CNTN4: variants seen among roughly 807,000 people sequenced by gnomAD.
CNTN4 encodes the protein contactin 4, also known as contactin-4.
In CNTN4, 77 loss-of-function variants were observed where a neutral mutation model predicts 122.5. The ratio of observed to expected loss-of-function variants is 0.63; its 90% CI spans 0.52 to 0.76. The LOEUF (loss-of-function observed/expected upper bound fraction) is 0.76, where lower values mean the gene tolerates loss of function less well. CNTN4 is among the 30% of genes least tolerant of loss of function. CNTN4 has a pLI of 0.00. For synonymous variants in CNTN4, 512 were observed against 447.0 expected (o/e 1.15, Z -1.83); for missense variants, 1,256 against 1,259.1 (o/e 1.00, Z 0.04).
At chr3:2,214,151 G>T (rs2149454516) in intron 2 of CNTN4, among the ~76,000 whole-genome samples, 1 of 152,214 alleles carries the variant, frequency 6.6e-6, no homozygotes, top group African/African-American at 2.4e-5. Flanking sequence ...TTTGCTCCTG[G>T]ATCTCCTGAA....
At chr3:2,173,645 T>C (rs1452060777) in intron 2 of CNTN4, among the ~76,000 whole-genome samples, 4 of 152,094 alleles carry the variant, frequency 2.6e-5, no homozygotes, top group African/African-American at 7.2e-5. Flanking sequence ...GTAGAGAAAA[T>C]CTTTCGGATG....
intron 13 of CNTN4, chr3:2,927,369 G>T (rs73805452): frequency 1.1e-5 from 5 of 451,914 alleles, no homozygotes; most frequent in Non-Finnish European, 1.8e-5. Context: ...TGCTCTGGAC[G>T]TTGCCATTGC....
intron 3 of CNTN4, among the ~76,000 whole-genome samples, chr3:2,535,852 C>T (rs1180347831): frequency 1.3e-5 from 2 of 152,130 alleles, no homozygotes; most frequent in Admixed American, 1.3e-4. Context: ...CAGTAGTACA[C>T]TTTCAAAATG....
chr3:2,194,335 C>T (rs1025304491), intron 2 of CNTN4, among the ~76,000 whole-genome samples: 3 of 151,840 alleles, frequency 2.0e-5, no homozygotes, highest in African/African-American at 7.3e-5. Flanking sequence ...GTGGTGTGCT[C>T]CTGTAGTCCC....
At chr3:2,178,955 GAGTAA>G (rs1417100212) in intron 2 of CNTN4, among the ~76,000 whole-genome samples, 3 of 152,004 alleles carry the variant, frequency 2.0e-5, no homozygotes, top group African/African-American at 7.2e-5. Flanking sequence ...GGTTGGAACT[GAGTAA>G]AGTAGATTTA....
intron 6 of CNTN4, among the ~76,000 whole-genome samples, chr3:2,804,737 C>CTTTAGTTTTTTTTTTTTT (rs1553643947): frequency 2.7e-4 from 39 of 144,944 alleles, no homozygotes; most frequent in Non-Finnish European, 3.6e-4. Context: ...ATTTTGAGCA[C>CTTTAGTTTTTTTTTTTTT]TTTTTTTTTG....
intron 2 of CNTN4, among the ~76,000 whole-genome samples, chr3:2,179,116 G>T (rs961562471): frequency 1.3e-5 from 2 of 152,004 alleles, no homozygotes; most frequent in Non-Finnish European, 2.9e-5. Context: ...CAATTAATTT[G>T]CAGTTCACCA....
intron 3 of CNTN4, among the ~76,000 whole-genome samples, chr3:2,378,838 T>C (rs545387310): frequency 1.9e-4 from 29 of 152,296 alleles, no homozygotes; most frequent in African/African-American, 7.0e-4. Flanking sequence ...GTGTTGTCAT[T>C]CTTATTTGTA....
chr3:2,764,689 G>A (rs1201407512), intron 6 of CNTN4, among the ~76,000 whole-genome samples: 1 of 152,228 alleles, frequency 6.6e-6, no homozygotes, highest in Non-Finnish European at 1.5e-5. Flanking sequence ...ATGCAAGACA[G>A]TAGCTTTCTG....
chr3:2,223,526 A>C (rs1035992064), intron 2 of CNTN4, among the ~76,000 whole-genome samples: 4 of 152,198 alleles, frequency 2.6e-5, no homozygotes, highest in African/African-American at 9.6e-5. Context: ...TGCTTCATCT[A>C]TGTGGAATAA....
At chr3:2,735,851 A>G in intron 4 of CNTN4, 2 of 423,480 alleles carry the variant, frequency 4.7e-6, no homozygotes, top group Non-Finnish European at 9.2e-6. Context: ...GACACTAGAC[A>G]GCCATCCACA....
At chr3:2,393,502 C>T (rs1238965540) in intron 3 of CNTN4, among the ~76,000 whole-genome samples, 1 of 152,014 alleles carries the variant, frequency 6.6e-6, no homozygotes, top group Non-Finnish European at 1.5e-5. Flanking sequence ...ATATTTCTGT[C>T]TATTCTACTA....
chr3:2,835,340 T>C (rs1273562273), intron 7 of CNTN4, among the ~76,000 whole-genome samples: 1 of 152,206 alleles, frequency 6.6e-6, no homozygotes, highest in East Asian at 1.9e-4. Flanking sequence ...AAATTACTAA[T>C]GCATATTTGT....
chr3:2,804,827 A>T (rs2092427194), intron 6 of CNTN4, among the ~76,000 whole-genome samples: 2 of 151,506 alleles, frequency 1.3e-5, no homozygotes, highest in Admixed American at 1.3e-4. Flanking sequence ...CCTCCAAAGT[A>T]GCTGGAATTA....
At chr3:2,171,303 C>T (rs1046866155) in intron 2 of CNTN4, among the ~76,000 whole-genome samples, 5 of 152,062 alleles carry the variant, frequency 3.3e-5, no homozygotes, top group African/African-American at 1.2e-4. Context: ...TGGAAAAATG[C>T]CATTACATTT....
intron 4 of CNTN4, among the ~76,000 whole-genome samples, chr3:2,690,004 T>G (rs1403929235): frequency 6.6e-6 from 1 of 152,148 alleles, no homozygotes; most frequent in Non-Finnish European, 1.5e-5. Flanking sequence ...CTATTTTTGT[T>G]GCTCAGGGGA....
intron 2 of CNTN4, among the ~76,000 whole-genome samples, chr3:2,105,970 A>G (rs1045161270): frequency 5.3e-5 from 8 of 152,258 alleles, no homozygotes; most frequent in African/African-American, 1.9e-4. Context: ...AAATTGGCCA[A>G]AACAAAGGGG....
chr3:3,005,902 T>TTTTTTG (rs1218450863), intron 14 of CNTN4, among the ~76,000 whole-genome samples: 1 of 151,472 alleles, frequency 6.6e-6, no homozygotes, highest in Non-Finnish European at 1.5e-5. Flanking sequence ...TTTTTTTTTT[T>TTTTTTG]TGAGACGGAT....
At chr3:2,188,015 G>GA (rs36117332) in intron 2 of CNTN4, among the ~76,000 whole-genome samples, 3,719 of 151,110 alleles carry the variant, frequency 0.025, 146 homozygotes, top group African/African-American at 0.086. Context: ...TGAAAAGGGA[G>GA]AAAAAAAAAG....
Sources: allele counts gnomAD v4.1 joint callset (sites outside exome capture counted in the v4.1 genomes callset), GRCh38; gene constraint gnomAD v4.1.1; transcripts MANE v1.5; gene names NCBI Gene and HGNC (gene_info 2026-07-23, HGNC 2026-07-21).